KPNA6: variants seen among roughly 807,000 people sequenced by gnomAD.
KPNA6 encodes importin subunit alpha-7.
A neutral mutation model predicts 72.0 loss-of-function variants in KPNA6; 9 were observed. The observed-to-expected ratio is 0.13, with a 90% confidence interval of 0.08 to 0.22. The LOEUF is 0.22. KPNA6 is among the 10% of genes least tolerant of loss of function. The pLI, the probability that KPNA6 is intolerant of heterozygous loss-of-function variation, is 1.00. For synonymous variants in KPNA6, 219 were observed against 242.1 expected (o/e 0.90, Z 0.89); for missense variants, 374 against 655.7 (o/e 0.57, Z 4.69).
chr1:32,129,032 C>T (rs1043769279), intron 1 of KPNA6, among the ~76,000 whole-genome samples: 3 of 152,144 alleles, frequency 2.0e-5, no homozygotes, highest in Admixed American at 6.6e-5. Context: ...TAGCTCTTTT[C>T]ACCAGTACCA....
At chr1:32,122,635 GGA>G (rs1039746522) in intron 1 of KPNA6, among the ~76,000 whole-genome samples, 1 of 152,014 alleles carries the variant, frequency 6.6e-6, no homozygotes, top group Admixed American at 6.6e-5. Flanking sequence ...AAAGAAAAAA[GGA>G]GAGAGAAGAG....
intron 1 of KPNA6, among the ~76,000 whole-genome samples, chr1:32,121,151 C>T (rs1641426829): frequency 6.6e-6 from 1 of 152,090 alleles, no homozygotes; most frequent in Non-Finnish European, 1.5e-5. Flanking sequence ...TGATTACAAG[C>T]GTAAGCTACT....
At position 32,147,645 on chromosome 1, in the gene KPNA6, CTTTTCTTTTTTTTTT is replaced by C. The variant is rs1440243492; in HGVS notation, c.5-6938_5-6924del. 7.4e-5 allele frequency among the ~76,000 whole-genome samples: 8 copies of C among 108,252 alleles called. No individual in the cohort carries two copies. In the East Asian group the frequency reaches 1.7e-3, roughly 23 times the overall value. 71.0% of individuals were successfully genotyped at this position (108,252 alleles called of 152,430 possible). On this transcript the variant is annotated intron_variant, in intron 1 of 13. Transcript: ENST00000373625. The stretch of plus-strand genomic sequence containing the variant: ...TACTGCCTTCTGACTTTCGTGATTT[CTTTTCTTTTTTTTTT>C]TTTTTTTTTTTTTTTTTGAGACAGG...
intron 2 of KPNA6, among the ~76,000 whole-genome samples, chr1:32,155,782 A>G (rs1642130325): frequency 6.6e-6 from 1 of 151,690 alleles, no homozygotes; most frequent in Non-Finnish European, 1.5e-5. Context: ...GCTGGAGTGC[A>G]GTGAGTGCAG....
intron 11 of KPNA6, among the ~76,000 whole-genome samples, 196 bp from the exon 12 acceptor site, chr1:32,166,973 G>A (rs2124092603): frequency 6.6e-6 from 1 of 152,086 alleles, no homozygotes; most frequent in East Asian, 1.9e-4. Flanking sequence ...TGGAGTCAGT[G>A]TGTACTATTG....
Position 32,160,693 on chromosome 1 carries a change from C to T in KPNA6, c.637C>T (p.Pro213Ser). 6.2e-7 allele frequency: 1 copy of T among 1,613,166 alleles called. No homozygotes were observed. The highest frequency in any genetic ancestry group is 8.5e-7 in the Non-Finnish European group (1 of 1,179,150). ...CGTCTTGAACTGTTCCATCCTTAATCCTTTGTTAACGTGAGTAATTATAAT... is the reference window on the plus strand; with the variant it reads ...CGTCTTGAACTGTTCCATCCTTAATTCTTTGTTAACGTGAGTAATTATAAT... Reference protein sequence around the residue: ...DYVLNCSILNPLLTLLTKSTR... With the variant: ...DYVLNCSILNSLLTLLTKSTR... The change falls in exon 7 of 14, where the codon CCT becomes TCT. Residue 213 changes from proline (P) to serine (S), a missense_variant. Physicochemically the swap from Pro to Ser is moderately conservative, Grantham distance 74. This residue lies in a region of KPNA6 where 298 missense variants were observed against 495.4 expected (regional missense o/e 0.60). Coordinates refer to ENST00000373625, the MANE Select transcript of KPNA6 (RefSeq NM_012316.5).
intron 1 of KPNA6, among the ~76,000 whole-genome samples, chr1:32,128,800 C>CT (rs2124533304): frequency 6.6e-6 from 1 of 152,200 alleles, no homozygotes; most frequent in South Asian, 2.1e-4. Context: ...TCATGAATCT[C>CT]TGAGAGAAAT....
At chr1:32,126,046 T>TA (rs1641529318) in intron 1 of KPNA6, among the ~76,000 whole-genome samples, 1 of 151,318 alleles carries the variant, frequency 6.6e-6, no homozygotes, top group Non-Finnish European at 1.5e-5. Context: ...CTTTTTATTT[T>TA]GTTTGTTTGT....
Position 32,169,987 on chromosome 1 carries a change from G to C in KPNA6, c.1350G>C (p.Arg450=). Residue 450 remains arginine, a synonymous_variant, in exon 13 of 14, where the codon CGG becomes CGC. Coordinates refer to ENST00000373625, the MANE Select transcript of KPNA6 (RefSeq NM_012316.5). ...TCAATGGACTGGAGAACATCCTGCGGCTTGGAGAGCAAGAGGGCAAGCGCA... is the reference window on the plus strand; with the variant it reads ...TCAATGGACTGGAGAACATCCTGCGCCTTGGAGAGCAAGAGGGCAAGCGCA... ...VALNGLENIL[R]LGEQEGKRSG... The C allele has an allele frequency of 6.2e-7, 1 of 1,614,140 alleles. No homozygotes were observed. The highest frequency in any genetic ancestry group is 8.5e-7 in the Non-Finnish European group (1 of 1,180,018).
In KPNA6 at chr1:32,145,116, C is replaced by A. The variant is rs533133947; in HGVS notation, c.5-9472C>A. On this transcript the variant is annotated intron_variant, in intron 1 of 13. Coordinates refer to ENST00000373625, the MANE Select transcript of KPNA6 (RefSeq NM_012316.5). ...TACAGGGGCCCGCCACCACACCCAG[C>A]TAATTTTTTTGTTGTTGTATTTTTA... Among the ~76,000 whole-genome samples, 3 of 151,956 alleles carry A rather than the reference C, an allele frequency of 2.0e-5. No individual in the cohort carries two copies. In the South Asian group the frequency reaches 6.3e-4, roughly 32 times the overall value.
At position 32,159,829 on chromosome 1, in the gene KPNA6, C is replaced by CTA. The variant is rs558489625; in HGVS notation, c.558+298_558+299insTA. On this transcript the variant is annotated intron_variant, in intron 6 of 13. Coordinates refer to ENST00000373625, the MANE Select transcript of KPNA6 (RefSeq NM_012316.5). ...TGGTTGATGTGGAAAAAACTCTATA[C>CTA]ATTTGTTGTTGGAAGTGCCATTGGA... 5.3e-5 allele frequency among the ~76,000 whole-genome samples: 8 copies of CTA among 152,282 alleles called. No individual in the cohort carries two copies. The South Asian group carries it at 1.7e-3, about 32-fold the overall frequency.
At chr1:32,165,946 C>T (rs1359443878) in intron 10 of KPNA6, among the ~76,000 whole-genome samples, 159 bp from the exon 11 acceptor site, 21 of 149,274 alleles carry the variant, frequency 1.4e-4, no homozygotes, top group African/African-American at 4.4e-4. Flanking sequence ...TGCAGTGAGC[C>T]GAGATTGTGC....
rs547212767 is a variant in KPNA6, at chr1:32,120,329, C to T, written c.4+12195C>T. ...GTGTGATTTTGGCTCACTGCAAGCC[C>T]TGCCTCCTTGGTTCAAGCGATTCTC... On this transcript the variant is annotated intron_variant, in intron 1 of 13. Coordinates refer to ENST00000373625, the MANE Select transcript of KPNA6 (RefSeq NM_012316.5). Among the ~76,000 whole-genome samples, 5 of 151,334 alleles carry T rather than the reference C, an allele frequency of 3.3e-5. No individual in the cohort carries two copies. In the South Asian group the frequency reaches 1.0e-3, roughly 32 times the overall value.
At chr1:32,147,085 G>A (rs901957782) in intron 1 of KPNA6, among the ~76,000 whole-genome samples, 32 of 151,808 alleles carry the variant, frequency 2.1e-4, no homozygotes, top group African/African-American at 5.3e-4. Context: ...TCTCGAACTC[G>A]GCTCATGTGA....
At chr1:32,110,677 A>G (rs1264478820) in intron 1 of KPNA6, among the ~76,000 whole-genome samples, 3 of 152,130 alleles carry the variant, frequency 2.0e-5, no homozygotes, top group Non-Finnish European at 4.4e-5. Context: ...CGGGTGGATC[A>G]CCTGAGGTCA....
chr1:32,115,822 C>A (rs1641319530), intron 1 of KPNA6, among the ~76,000 whole-genome samples: 1 of 152,178 alleles, frequency 6.6e-6, no homozygotes, highest in African/African-American at 2.4e-5. Context: ...CAGCTCACTG[C>A]AACCTCTTCC....
chr1:32,127,457 A>C (rs553404447), intron 1 of KPNA6, among the ~76,000 whole-genome samples: 8 of 152,352 alleles, frequency 5.3e-5, no homozygotes, highest in African/African-American at 1.9e-4. Flanking sequence ...GATGAATTAC[A>C]TACAGGTTAG....
chr1:32,158,436 G>C, intron 5 of KPNA6, 75 bp downstream of exon 5: 1 of 834,090 alleles, frequency 1.2e-6, no homozygotes, highest in Non-Finnish European at 2.0e-6. Flanking sequence ...TATATTTATG[G>C]GATACATGAG....
rs115788839 is a variant in KPNA6 at position 32,108,689 on chromosome 1, C to A, written c.4+555C>A. 5.2e-3 allele frequency among the ~76,000 whole-genome samples: 791 copies of A among 152,336 alleles called. 3 individuals carry two copies. Among genetic ancestry groups the A allele is most frequent in the African/African-American group, 0.018 (749 of 41,568 alleles). ...CTTGCGCCGCTGAAGGCCGGGAGAA[C>A]GGAATCAAGGCGGAAATAGTGTGGT... is the stretch of plus-strand genomic sequence containing the variant. On this transcript the variant is annotated intron_variant, in intron 1 of 13. Coordinates refer to ENST00000373625, the MANE Select transcript of KPNA6 (RefSeq NM_012316.5).
Sources: gnomAD v4.1 joint callset for allele counts (sites outside exome capture counted in the v4.1 genomes callset) on GRCh38, gnomAD v4.1.1 for gene constraint, gnomAD v4.1.1 regional missense constraint, MANE v1.5 for transcripts, NCBI Gene and HGNC (gene_info 2026-07-23, HGNC 2026-07-21) for gene names.